Variants in CSMD1 observed in about 807,000 individuals in gnomAD.
The protein encoded by CSMD1 is CUB and sushi domain-containing protein 1.
CSMD1 carries 213 observed loss-of-function variants against 417.5 expected under a neutral mutation model. The observed-to-expected ratio is 0.51, with a 90% CI of 0.46 to 0.57. The LOEUF (loss-of-function observed/expected upper bound fraction) is 0.57. Among genes scored for constraint, CSMD1 ranks in the 20% least tolerant of loss-of-function variants. CSMD1 has a pLI of 0.00. For synonymous variants in CSMD1, 2,862 were observed against 1,736.8 expected (o/e 1.65, Z -16.11); for missense variants, 6,923 against 4,529.7 (o/e 1.53, Z -15.17).
chr8:4,576,621 T>C (rs1201948438), intron 2 of CSMD1, among the ~76,000 whole-genome samples: 1 of 152,176 alleles, frequency 6.6e-6, no homozygotes, highest in African/African-American at 2.4e-5. Context: ...TCTGTATATA[T>C]ATAGCATTTA....
intron 3 of CSMD1, among the ~76,000 whole-genome samples, chr8:4,096,940 C>G (rs1248759945): frequency 6.6e-6 from 1 of 152,184 alleles, no homozygotes; most frequent in Non-Finnish European, 1.5e-5. Context: ...ACCCCAAAAA[C>G]AAACGCCATT....
intron 5 of CSMD1, among the ~76,000 whole-genome samples, chr8:3,769,289 T>C (rs946532975): frequency 3.3e-5 from 5 of 152,082 alleles, no homozygotes; most frequent in African/African-American, 1.2e-4. Flanking sequence ...TATAGCTAAA[T>C]AGTGGTCTTT....
intron 10 of CSMD1, among the ~76,000 whole-genome samples, chr8:3,502,191 C>A (rs149130504): frequency 0.022 from 3,299 of 151,754 alleles, 88 homozygotes; most frequent in East Asian, 0.11. Flanking sequence ...GGTGAAACCC[C>A]GTCTCTACTA....
intron 2 of CSMD1, among the ~76,000 whole-genome samples, chr8:4,477,538 T>C (rs576660450): frequency 6.6e-6 from 1 of 152,336 alleles, no homozygotes; most frequent in African/African-American, 2.4e-5. Context: ...CGATGCTCTA[T>C]GACACACACA....
chr8:4,463,641 G>A (rs916991306), intron 2 of CSMD1, among the ~76,000 whole-genome samples: 3 of 152,164 alleles, frequency 2.0e-5, no homozygotes, highest in Non-Finnish European at 1.5e-5. Context: ...AATGGAAAGA[G>A]CTAGTCACAA....
At chr8:3,317,701 C>T (rs188587570) in intron 23 of CSMD1, among the ~76,000 whole-genome samples, 177 of 152,304 alleles carry the variant, frequency 1.2e-3, no homozygotes, top group Admixed American at 1.9e-3. Flanking sequence ...GGTATCATTA[C>T]TTGATGTGTT....
At chr8:3,151,866 T>C (rs998219538) in intron 39 of CSMD1, among the ~76,000 whole-genome samples, 4 of 152,198 alleles carry the variant, frequency 2.6e-5, no homozygotes, top group African/African-American at 4.8e-5. Context: ...TTACTCCCTA[T>C]TGATTGATTG....
intron 15 of CSMD1, among the ~76,000 whole-genome samples, chr8:3,399,970 C>A (rs1194278043): frequency 6.6e-6 from 1 of 152,098 alleles, no homozygotes; most frequent in African/African-American, 2.4e-5. Context: ...TTATTTACTT[C>A]CATTGTGTGC....
At chr8:4,682,549 G>C (rs1270416244) in intron 1 of CSMD1, among the ~76,000 whole-genome samples, 2 of 152,044 alleles carry the variant, frequency 1.3e-5, no homozygotes, top group Non-Finnish European at 2.9e-5. Context: ...AATTAGAACA[G>C]TTGTTTTAAA....
intron 3 of CSMD1, among the ~76,000 whole-genome samples, chr8:4,356,413 C>A (rs932222533): frequency 1.3e-5 from 2 of 152,230 alleles, no homozygotes; most frequent in Non-Finnish European, 2.9e-5. Flanking sequence ...TTGCAATTGT[C>A]AATTGTGCTA....
chr8:4,355,898 G>A (rs887752950), intron 3 of CSMD1, among the ~76,000 whole-genome samples: 7 of 151,246 alleles, frequency 4.6e-5, no homozygotes, highest in African/African-American at 4.8e-5. Flanking sequence ...GCGCAGGTGA[G>A]TCTCATGATT....
At chr8:3,106,699 G>T in intron 45 of CSMD1, 58 bp from the exon 46 acceptor site, 1 of 969,460 alleles carries the variant, frequency 1.0e-6, no homozygotes, top group Non-Finnish European at 1.6e-6. Context: ...AGTGTGTGAA[G>T]GTGTGACACA....
chr8:4,228,817 G>A (rs984749103), intron 3 of CSMD1, among the ~76,000 whole-genome samples: 2 of 151,970 alleles, frequency 1.3e-5, no homozygotes, highest in Non-Finnish European at 2.9e-5. Context: ...CCAAGTAGCT[G>A]GGACTTCATG....
At chr8:4,188,579 C>G (rs1265218408) in intron 3 of CSMD1, among the ~76,000 whole-genome samples, 1 of 152,058 alleles carries the variant, frequency 6.6e-6, no homozygotes, top group Non-Finnish European at 1.5e-5. Flanking sequence ...TGTCAACTGA[C>G]GCGCCCTACA....
chr8:4,342,205 CTGTGTGTGTGTGTGTGTGTGTGTG>C (rs58235838), intron 3 of CSMD1, among the ~76,000 whole-genome samples: 1 of 150,576 alleles, frequency 6.6e-6, no homozygotes. Flanking sequence ...AGTGCTGTGT[CTGTGTGTGTGTGTGTGTGTGTGTG>C]TGTCTGTGTG....
At chr8:3,340,712 C>G (rs1807587510) in intron 23 of CSMD1, among the ~76,000 whole-genome samples, 1 of 152,152 alleles carries the variant, frequency 6.6e-6, no homozygotes, top group South Asian at 2.1e-4. Context: ...ATATTTACAA[C>G]TAACAATTTA....
intron 3 of CSMD1, among the ~76,000 whole-genome samples, chr8:4,181,387 A>C (rs1001787629): frequency 6.6e-6 from 1 of 151,958 alleles, no homozygotes; most frequent in African/African-American, 2.4e-5. Flanking sequence ...TGAATGCTTA[A>C]ACTATAAGGC....
intron 1 of CSMD1, among the ~76,000 whole-genome samples, chr8:4,782,530 A>C (rs1423798713): frequency 6.6e-6 from 1 of 152,168 alleles, no homozygotes; most frequent in East Asian, 1.9e-4. Context: ...CAAAACCATA[A>C]ATATGCTCTA....
At chr8:4,652,280 G>C (rs775128645) in intron 1 of CSMD1, among the ~76,000 whole-genome samples, 8 of 152,242 alleles carry the variant, frequency 5.3e-5, no homozygotes, top group African/African-American at 1.7e-4. Flanking sequence ...TTTATACTTC[G>C]AGACCAGGAA....
Sources: allele counts gnomAD v4.1 joint callset (sites outside exome capture counted in the v4.1 genomes callset), GRCh38; gene constraint gnomAD v4.1.1; transcripts MANE v1.5; gene names NCBI Gene and HGNC (gene_info 2026-07-23, HGNC 2026-07-21).